Variants in VPS13D observed in about 807,000 individuals in gnomAD.
The protein encoded by VPS13D is vacuolar protein sorting 13 homolog D, also known as intermembrane lipid transfer protein VPS13D.
VPS13D carries 187 observed loss-of-function variants against 461.9 expected under a neutral mutation model. The ratio of observed to expected loss-of-function variants is 0.40; its 90% CI spans 0.36 to 0.46. The LOEUF is 0.46. Ranked by LOEUF, VPS13D falls within the 20% of genes least tolerant of loss-of-function variation. VPS13D has a pLI of 0.60. For synonymous variants in VPS13D, 1,951 were observed against 1,986.3 expected, an observed-to-expected ratio of 0.98 and a Z score of 0.47; for missense variants, 4,711 against 5,364.9, an observed-to-expected ratio of 0.88 and a Z score of 3.81.
intron 67 of VPS13D, among the ~76,000 whole-genome samples, chr1:12,462,519 G>A (rs1645425690): frequency 6.6e-6 from 1 of 152,222 alleles, no homozygotes; most frequent in Admixed American, 6.5e-5. Context: ...AGACAGTCCA[G>A]AGAAGTCATG....
intron 43 of VPS13D, among the ~76,000 whole-genome samples, 194 bp from the exon 44 acceptor site, chr1:12,346,411 C>T (rs186187508): frequency 8.5e-5 from 13 of 152,226 alleles, no homozygotes; most frequent in African/African-American, 2.4e-4. Context: ...ATTTGGCATA[C>T]GTTGAATGGT....
chr1:12,318,772 T>C (rs765174091), intron 31 of VPS13D, among the ~76,000 whole-genome samples: 6 of 152,240 alleles, frequency 3.9e-5, no homozygotes, highest in Non-Finnish European at 8.8e-5. Flanking sequence ...TATTTTTCTT[T>C]GTATAGATGA....
intron 54 of VPS13D, 34 bp from the exon 55 acceptor site, chr1:12,373,716 T>G: frequency 7.9e-7 from 1 of 1,264,568 alleles, no homozygotes; most frequent in Non-Finnish European, 1.0e-6. Flanking sequence ...TGTATATATA[T>G]TTTTATGTAA....
At position 12,349,451 on chromosome 1, in the gene VPS13D, C is replaced by T; in HGVS notation, c.9431+77C>T. On this transcript the variant is annotated intron_variant, in intron 46 of 69. Transcript: ENST00000620676. The stretch of plus-strand genomic sequence containing the variant: ...TGGAATGACTATTACCATTCTTTCT[C>T]TAAAGACCCTTAGAGATTCAGTTAT... The T allele has an allele frequency of 3.8e-6, 5 of 1,320,564 alleles. No homozygotes were observed. The South Asian group carries it at 6.2e-5, about 16-fold the overall frequency. The allele number at this position is 1,320,564 out of a possible 1,614,324, so 81.8% of individuals were successfully genotyped here.
Position 12,253,820 on chromosome 1 carries a change from G to A in VPS13D, c.663G>A (p.Glu221=), listed in dbSNP as rs1448542761. 1.2e-6 allele frequency: 2 copies of A among 1,613,818 alleles called. No individual in the cohort carries two copies. The highest frequency in any genetic ancestry group is 1.7e-6 in the Non-Finnish European group (2 of 1,179,768). Residue 221 remains glutamate (E), a synonymous_variant, in exon 7 of 70, where the codon GAG becomes GAA. Transcript: ENST00000620676. The part of the protein sequence containing the change: ...CTLLGDLPQM[E]LQEAMARSME... ...TACTGGGGGATTTGCCTCAGATGGA[G>A]TTACAGGTACGATTTCGGCAGGGAG...
intron 7 of VPS13D, 124 bp from the exon 8 acceptor site, chr1:12,256,209 T>C: frequency 6.4e-6 from 7 of 1,089,176 alleles, no homozygotes; most frequent in South Asian, 1.6e-5. Flanking sequence ...GACAAAAATA[T>C]TTGCCGCTGT....
chr1:12,282,258 A>T (rs79827432), intron 20 of VPS13D, among the ~76,000 whole-genome samples: 4,466 of 152,322 alleles, frequency 0.029, 119 homozygotes, highest in African/African-American at 0.064. Context: ...CTAATCATGG[A>T]TCATCATCAT....
intron 22 of VPS13D, among the ~76,000 whole-genome samples, chr1:12,289,495 G>C (rs926247331): frequency 6.6e-6 from 1 of 151,302 alleles, no homozygotes; most frequent in Admixed American, 6.6e-5. Context: ...TTTGGGGAAG[G>C]AATGAACTGA....
intron 62 of VPS13D, among the ~76,000 whole-genome samples, 189 bp from the exon 63 acceptor site, chr1:12,403,636 A>C (rs1644609265): frequency 6.6e-6 from 1 of 151,936 alleles, no homozygotes; most frequent in African/African-American, 2.4e-5. Flanking sequence ...ACAACACAAA[A>C]CAGATCTACT....
intron 63 of VPS13D, among the ~76,000 whole-genome samples, chr1:12,412,670 A>G (rs766543067): frequency 9.2e-5 from 14 of 152,356 alleles, no homozygotes; most frequent in Non-Finnish European, 2.1e-4. Flanking sequence ...AATAAAATCT[A>G]GGTGTGAAGA....
At position 12,396,000 on chromosome 1, in the gene VPS13D, T is replaced by TATATAG. The variant is rs1269468957; in HGVS notation, c.11635-4176_11635-4175insGATATA. Among the ~76,000 whole-genome samples the TATATAG allele has an allele frequency of 5.7e-4, 70 of 123,726 alleles. 2 individuals carry two copies. Among genetic ancestry groups the TATATAG allele is most frequent in the Non-Finnish European group, 1.0e-3 (64 of 61,590 alleles). 81.2% of individuals were successfully genotyped at this position (123,726 alleles called of 152,430 possible). A position where few individuals can be genotyped will look rare whatever the true frequency, so the allele number is the denominator to read the frequency against. ...AGAGGGATAGAACTAATAGGAGATA[T>TATATAG]ATATATATATATATATATATATATA... On this transcript the variant is annotated intron_variant, in intron 60 of 69. Coordinates refer to ENST00000620676, the MANE Select transcript of VPS13D (RefSeq NM_015378.4).
chr1:12,268,952 A>G, intron 16 of VPS13D, 76 bp downstream of exon 16: 1 of 1,512,568 alleles, frequency 6.6e-7, no homozygotes, highest in Non-Finnish European at 8.9e-7. Context: ...GTTCTGGACA[A>G]GGGTTATTCA....
At chr1:12,482,702 CA>C (rs1645735453) in intron 67 of VPS13D, among the ~76,000 whole-genome samples, 1 of 147,464 alleles carries the variant, frequency 6.8e-6, no homozygotes, top group African/African-American at 2.5e-5. Flanking sequence ...ATGGTAACCC[CA>C]CCAGACATCT....
intron 52 of VPS13D, chr1:12,367,794 A>G (rs574087154): frequency 4.1e-4 from 63 of 152,236 alleles, no homozygotes; most frequent in African/African-American, 1.5e-3. Flanking sequence ...TTTTTAGTAG[A>G]GACGCAGTTT....
chr1:12,267,040 A>G (rs748455328), intron 14 of VPS13D, 29 bp downstream of exon 14: 1 of 1,502,272 alleles, frequency 6.7e-7, no homozygotes, highest in Non-Finnish European at 8.9e-7. Flanking sequence ...TAGTTAATGT[A>G]TCTAAGGTGT....
At chr1:12,458,726 A>G (rs1416230778) in intron 66 of VPS13D, among the ~76,000 whole-genome samples, 5 of 152,022 alleles carry the variant, frequency 3.3e-5, no homozygotes, top group Admixed American at 3.3e-4. Context: ...GCTTCCTCAC[A>G]CCCCACTGTC....
In VPS13D at chr1:12,378,544, G is replaced by A; in HGVS notation, c.11034G>A (p.Gly3678=). Reference sequence around the variant, plus strand: ...CCTCAGCCGCCCGCTCCACCGAGGGGTCTGCCATCTTAGATATTGCTGGTC... The same window carrying A: ...CCTCAGCCGCCCGCTCCACCGAGGGATCTGCCATCTTAGATATTGCTGGTC... The part of the protein sequence containing the change: ...NKPSAARSTE[G]SAILDIAGLA... The change falls in exon 56 of 70, where the codon GGG becomes GGA. Residue 3678 remains glycine (G), a synonymous_variant. Coordinates refer to ENST00000620676, the MANE Select transcript of VPS13D (RefSeq NM_015378.4). 1 of 1,610,184 alleles carries A rather than the reference G, an allele frequency of 6.2e-7. No individual in the cohort carries two copies. The highest frequency in any genetic ancestry group is 8.5e-7 in the Non-Finnish European group (1 of 1,178,326).
chr1:12,309,159 A>G (rs894654730), intron 27 of VPS13D, among the ~76,000 whole-genome samples: 3 of 151,998 alleles, frequency 2.0e-5, no homozygotes, highest in African/African-American at 7.2e-5. Flanking sequence ...GTTGAGGGAT[A>G]CAGGTAGTTA....
chr1:12,335,115 G>A (rs1643418252), intron 38 of VPS13D, among the ~76,000 whole-genome samples: 1 of 152,212 alleles, frequency 6.6e-6, no homozygotes, highest in African/African-American at 2.4e-5. Context: ...TTCAGCCTCT[G>A]GAGTGCAGTG....
Sources: gnomAD v4.1 joint callset for allele counts (sites outside exome capture counted in the v4.1 genomes callset) on GRCh38, gnomAD v4.1.1 for gene constraint, MANE v1.5 for transcripts, NCBI Gene and HGNC (gene_info 2026-07-23, HGNC 2026-07-21) for gene names.